WDFY3: variants seen among roughly 807,000 people sequenced by gnomAD.
WDFY3 encodes the protein WD repeat and FYVE domain-containing protein 3.
In WDFY3, 66 loss-of-function variants were observed where a neutral mutation model predicts 409.6. The observed-to-expected ratio is 0.16, with a 90% CI of 0.13 to 0.20. WDFY3 has a LOEUF of 0.20. Among genes scored for constraint, WDFY3 ranks in the 10% least tolerant of loss-of-function variants. WDFY3 has a pLI of 1.00. For missense variants in WDFY3, 3,031 were observed against 4,298.1 expected (o/e 0.71, Z 8.24); for synonymous variants, 1,521 against 1,537.1 (o/e 0.99, Z 0.25).
chr4:84,876,110 A>G (rs1325312732), intron 3 of WDFY3, among the ~76,000 whole-genome samples: 1 of 152,230 alleles, frequency 6.6e-6, no homozygotes, highest in Non-Finnish European at 1.5e-5. Flanking sequence ...GGCAGCATAG[A>G]AGGCTTGTTT....
Position 84,796,561 on chromosome 4 carries a change from G to A in WDFY3, c.3127C>T (p.Pro1043Ser), listed in dbSNP as rs1386981920. 3 of 1,605,756 alleles carry A rather than the reference G, an allele frequency of 1.9e-6. No homozygotes were observed. Among genetic ancestry groups the A allele is most frequent in the African/African-American group, 1.3e-5 (1 of 74,646 alleles). The change falls in exon 19 of 68, where the codon CCA becomes TCA. Residue 1043 changes from proline (P) to serine (S), a missense_variant. This residue lies in a region of WDFY3 where 1,322 missense variants were observed against 1,697.9 expected (regional missense o/e 0.78). Coordinates refer to ENST00000295888, the MANE Select transcript of WDFY3 (RefSeq NM_014991.6). ...GATGTGTCAAATTCAACAAAAGCTG[G>A]AGTAACTGATGACCCATGAAGTCTG... ...DIRLHGSSVT[P>S]AFVEFDTSLE...
chr4:84,692,601 C>T (rs1361491137), intron 59 of WDFY3, among the ~76,000 whole-genome samples: 1 of 151,476 alleles, frequency 6.6e-6, no homozygotes, highest in Non-Finnish European at 1.5e-5. Flanking sequence ...GTTGAATTTA[C>T]AAGGTTTTGG....
chr4:84,798,522 TAAG>T (rs377426907), intron 17 of WDFY3, among the ~76,000 whole-genome samples: 36 of 152,318 alleles, frequency 2.4e-4, no homozygotes, highest in African/African-American at 7.7e-4. Context: ...TAATAATATT[TAAG>T]AAGAACCCCA....
At chr4:84,898,352 G>A (rs1189349606) in intron 2 of WDFY3, among the ~76,000 whole-genome samples, 1 of 152,182 alleles carries the variant, frequency 6.6e-6, no homozygotes, top group Admixed American at 6.5e-5. Context: ...TGTCAAAGGA[G>A]ATCATGTTCA....
intron 1 of WDFY3, among the ~76,000 whole-genome samples, chr4:84,954,203 AACTAGGTTCTCAGG>A (rs1773963538): frequency 6.6e-6 from 1 of 152,192 alleles, no homozygotes; most frequent in Non-Finnish European, 1.5e-5. Flanking sequence ...GGGAAATAAG[AACTAGGTTCTCAGG>A]TAGCAAGTTT....
At chr4:84,926,129 C>T (rs1337389745) in intron 2 of WDFY3, among the ~76,000 whole-genome samples, 1 of 140,594 alleles carries the variant, frequency 7.1e-6, no homozygotes, top group Admixed American at 7.0e-5. Context: ...TTCTTGAACC[C>T]GGGAGGCAGA....
At chr4:84,721,316 C>A in intron 47 of WDFY3, 93 bp downstream of exon 47, 1 of 1,503,072 alleles carries the variant, frequency 6.7e-7, no homozygotes, top group South Asian at 1.3e-5. Context: ...GAGGCTAATG[C>A]ATTTACTTTC....
rs182741747 is a variant in WDFY3 at position 84,947,378 on chromosome 4, G to A, written c.-225-15015C>T. Among the ~76,000 whole-genome samples the A allele has an allele frequency of 3.1e-3, 461 of 150,994 alleles. 2 individuals are homozygous for A. Among genetic ancestry groups the A allele is most frequent in the South Asian group, 0.014 (66 of 4,778 alleles). Reference sequence around the variant, plus strand: ...ATACAAAAAATTGGCCAGGTGTGGTGGCACGGGCCTGTAGTCCCAGCTACT... The same window carrying A: ...ATACAAAAAATTGGCCAGGTGTGGTAGCACGGGCCTGTAGTCCCAGCTACT... On this transcript the variant is annotated intron_variant, in intron 1 of 67. Coordinates refer to ENST00000295888, the MANE Select transcript of WDFY3 (RefSeq NM_014991.6).
intron 5 of WDFY3, among the ~76,000 whole-genome samples, chr4:84,842,476 C>CA (rs552074328): frequency 0.013 from 1,615 of 129,070 alleles, 23 homozygotes; most frequent in African/African-American, 0.039. Context: ...GACTCTGTCT[C>CA]AAAAAAAAAA....
chr4:84,821,332 A>C lies in WDFY3; in HGVS notation c.1343T>G (p.Leu448Arg). 6.2e-7 allele frequency: 1 copy of C among 1,613,874 alleles called. No homozygotes were observed. The highest frequency in any genetic ancestry group is 8.5e-7 in the Non-Finnish European group (1 of 1,179,874). Reference protein sequence around the residue: ...PEVQNKYFEMLEFVVFSLNYI... With the variant: ...PEVQNKYFEMREFVVFSLNYI... ...ATTTAAGCTAAAAACAACAAACTCC[A>C]GCATCTCAAAGTATTTGTTTTGTAC... The change falls in exon 11 of 68, where the codon CTG becomes CGG. Residue 448 changes from leucine to arginine, a missense_variant. By Grantham distance (102) the Leu-to-Arg change is moderately radical. Coordinates refer to ENST00000295888, the MANE Select transcript of WDFY3 (RefSeq NM_014991.6).
chr4:84,781,790 G>T (rs539297802), intron 25 of WDFY3, among the ~76,000 whole-genome samples: 18 of 152,240 alleles, frequency 1.2e-4, no homozygotes, highest in Middle Eastern at 3.4e-3. Flanking sequence ...CACAGTGCTT[G>T]TAAGTATTTT....
chr4:84,953,864 G>T (rs962581924), intron 1 of WDFY3, among the ~76,000 whole-genome samples: 2 of 151,984 alleles, frequency 1.3e-5, no homozygotes, highest in African/African-American at 4.8e-5. Flanking sequence ...CAATCCCCCT[G>T]ATATGCAGAT....
At chr4:84,918,584 T>C (rs1473288716) in intron 2 of WDFY3, among the ~76,000 whole-genome samples, 1 of 152,100 alleles carries the variant, frequency 6.6e-6, no homozygotes, top group Non-Finnish European at 1.5e-5. Flanking sequence ...TTTTTGTTTT[T>C]AGTGATATAC....
intron 6 of WDFY3, among the ~76,000 whole-genome samples, chr4:84,837,883 T>G (rs1578751869): frequency 6.6e-6 from 1 of 152,150 alleles, no homozygotes; most frequent in South Asian, 2.1e-4. Context: ...GAGCTGGGCA[T>G]GCAAAGACGA....
At chr4:84,792,848 T>G (rs543695792) in intron 21 of WDFY3, among the ~76,000 whole-genome samples, 1 of 152,322 alleles carries the variant, frequency 6.6e-6, no homozygotes, top group South Asian at 2.1e-4. Flanking sequence ...ATTTCCTCTA[T>G]TCATGCATTT....
Position 84,670,837 on chromosome 4 carries a change from T to A in WDFY3, c.*2031A>T, listed in dbSNP as rs1725338219. 6.6e-6 allele frequency: 1 copy of A among 152,500 alleles called. No homozygotes were observed. Among genetic ancestry groups the A allele is most frequent in the South Asian group, 2.1e-4 (1 of 4,818 alleles). The allele number at this position is 152,500 out of a possible 1,614,324, so 9.4% of individuals were successfully genotyped here. ...GCACAATTTCTGCAACTGTTGAACA[T>A]CAGCATTATTTATTAGAATTGAAGA... On this transcript the variant is annotated 3_prime_UTR_variant, in exon 68 of 68. Coordinates refer to ENST00000295888, the MANE Select transcript of WDFY3 (RefSeq NM_014991.6).
In WDFY3 at chr4:84,810,353, G is replaced by T; in HGVS notation, c.1888-9C>A. 2 of 1,282,106 alleles carry T rather than the reference G, an allele frequency of 1.6e-6. No individual in the cohort carries two copies. The highest frequency in any genetic ancestry group is 1.0e-6 in the Non-Finnish European group (1 of 1,000,074). 79.4% of individuals were successfully genotyped at this position (1,282,106 alleles called of 1,614,324 possible). A position where few individuals can be genotyped will look rare whatever the true frequency, so the allele number is the denominator to read the frequency against. The stretch of plus-strand genomic sequence containing the variant: ...AGGACCGACAGGAGGGCCTACAGGA[G>T]ACAAAAGAAAAAACAAATGAAAATA... On this transcript the variant is annotated splice_polypyrimidine_tract_variant and intron_variant, in intron 13 of 67. Transcript: ENST00000295888.
At chr4:84,832,306 G>C (rs774051240) in intron 7 of WDFY3, among the ~76,000 whole-genome samples, 4 of 152,148 alleles carry the variant, frequency 2.6e-5, no homozygotes, top group East Asian at 1.9e-4. Context: ...TGAAAGTAAA[G>C]AGTAGAGTTT....
intron 44 of WDFY3, among the ~76,000 whole-genome samples, chr4:84,730,343 T>C (rs1736386761): frequency 6.6e-6 from 1 of 152,216 alleles, no homozygotes; most frequent in African/African-American, 2.4e-5. Context: ...ACAAGAGTGC[T>C]GGCAGTTCAT....
Sources: allele counts gnomAD v4.1 joint callset (sites outside exome capture counted in the v4.1 genomes callset), GRCh38; gene constraint gnomAD v4.1.1; regional missense constraint gnomAD v4.1.1; transcripts MANE v1.5; gene names NCBI Gene and HGNC (gene_info 2026-07-23, HGNC 2026-07-21).